Variants in TRRAP observed in about 807,000 individuals in gnomAD.
TRRAP encodes the protein transformation/transcription domain-associated protein.
TRRAP carries 41 observed loss-of-function variants against 438.8 expected under a neutral mutation model. The ratio of observed to expected loss-of-function variants is 0.09; its 90% CI spans 0.07 to 0.12. The LOEUF is 0.12. TRRAP is among the 10% of genes least tolerant of loss of function. TRRAP has a pLI of 1.00. For missense variants in TRRAP, 3,122 were observed against 5,055.1 expected (o/e 0.62, Z 11.60); for synonymous variants, 1,994 against 1,962.9 (o/e 1.02, Z -0.42).
intron 44 of TRRAP, among the ~76,000 whole-genome samples, chr7:98,959,091 G>A (rs556590630): frequency 2.0e-5 from 3 of 152,138 alleles, no homozygotes; most frequent in East Asian, 3.9e-4. Context: ...GTCCTGTGGG[G>A]AGCCAGCAGG....
At chr7:98,984,444 A>C in intron 61 of TRRAP, 86 bp downstream of exon 61, 2 of 1,454,368 alleles carry the variant, frequency 1.4e-6, no homozygotes, top group Non-Finnish European at 9.1e-7. Flanking sequence ...CCTGGTTCAG[A>C]ATATAAGGAA....
intron 1 of TRRAP, among the ~76,000 whole-genome samples, chr7:98,879,338 G>T (rs892922746): frequency 6.6e-6 from 1 of 152,372 alleles, no homozygotes; most frequent in Admixed American, 6.5e-5. Flanking sequence ...TCCGTGGGAA[G>T]GGGGAAGTTT....
chr7:98,959,957 AAAAG>A (rs995288415), intron 45 of TRRAP, among the ~76,000 whole-genome samples: 3 of 150,958 alleles, frequency 2.0e-5, no homozygotes, highest in Admixed American at 6.7e-5. Context: ...AAAAAAAAGA[AAAAG>A]AAAAGAAAAG....
intron 3 of TRRAP, among the ~76,000 whole-genome samples, chr7:98,884,770 C>CT (rs1486542861): frequency 6.6e-6 from 1 of 152,178 alleles, no homozygotes; most frequent in African/African-American, 2.4e-5. Context: ...ACCCAGCTTG[C>CT]TGAACCCCAG....
At chr7:98,911,926 A>C in intron 17 of TRRAP, 96 bp from the exon 18 acceptor site, 3 of 1,117,288 alleles carry the variant, frequency 2.7e-6, no homozygotes, top group Non-Finnish European at 3.9e-6. Flanking sequence ...TGTGTGATAC[A>C]GGCTTGGTTT....
At chr7:98,918,995 A>G (rs191054434) in intron 20 of TRRAP, among the ~76,000 whole-genome samples, 1 of 152,132 alleles carries the variant, frequency 6.6e-6, no homozygotes, top group Non-Finnish European at 1.5e-5. Context: ...AAAAAAAAAA[A>G]AAAAAGAAAA....
At chr7:98,918,702 G>A (rs2116452405) in intron 20 of TRRAP, among the ~76,000 whole-genome samples, 1 of 152,140 alleles carries the variant, frequency 6.6e-6, no homozygotes, top group African/African-American at 2.4e-5. Flanking sequence ...TACCCAAAGG[G>A]AAAAAGAAGC....
rs1487300407 is a variant in TRRAP, at chr7:99,005,647, C to T, written c.10753+299C>T. On this transcript the variant is annotated intron_variant, in intron 69 of 72. Coordinates refer to ENST00000456197, the MANE Select transcript of TRRAP (RefSeq NM_001375524.1). The surrounding 1 kb of genome is among the most constrained non-coding windows in gnomAD (Gnocchi z 5.1). Reference sequence around the variant, plus strand: ...CTTTGAATGTGGTTCGACACAAATTCGTCAACTTTCTTAGGACATTATGAG... The same window carrying T: ...CTTTGAATGTGGTTCGACACAAATTTGTCAACTTTCTTAGGACATTATGAG... Among the ~76,000 whole-genome samples, 1 of 152,122 alleles carries T rather than the reference C, an allele frequency of 6.6e-6. No homozygotes were observed. Among genetic ancestry groups the T allele is most frequent in the Non-Finnish European group, 1.5e-5 (1 of 68,014 alleles).
intron 68 of TRRAP, 91 bp downstream of exon 68, chr7:99,004,506 T>TC: frequency 8.9e-7 from 1 of 1,121,818 alleles, no homozygotes; most frequent in South Asian, 1.5e-5. Context: ...CTGTGGGGAA[T>TC]TTTGGACACA....
intron 31 of TRRAP, among the ~76,000 whole-genome samples, chr7:98,943,572 C>T (rs1790899484): frequency 6.6e-6 from 1 of 152,182 alleles, no homozygotes. Flanking sequence ...ATATGACTGG[C>T]CCTTCAAAGC....
chr7:99,009,031 T>C (rs528743352), intron 70 of TRRAP, among the ~76,000 whole-genome samples: 1 of 152,236 alleles, frequency 6.6e-6, no homozygotes, highest in African/African-American at 2.4e-5. Context: ...AGCGACAGAC[T>C]CTGGAGTGCA....
Position 98,948,533 on chromosome 7 carries a change from T to C in TRRAP, c.4669-33T>C, listed in dbSNP as rs782283037. ...AGCCTCAAGCTCTGAGAAGAGGAAG[T>C]TGTGAGATGCAGCATTCCCACATGT... is the stretch of plus-strand genomic sequence containing the variant. On this transcript the variant is annotated intron_variant, in intron 34 of 72. Transcript: ENST00000456197. This position sits in a 1 kb window ranked among gnomAD's most constrained non-coding sequence, Gnocchi z 4.9. 6.2e-6 allele frequency: 10 copies of C among 1,614,098 alleles called. No homozygotes were observed. Among genetic ancestry groups the C allele is most frequent in the Non-Finnish European group, 8.5e-6 (10 of 1,180,022 alleles).
chr7:98,942,907 AC>A (rs1158935083), intron 30 of TRRAP, 41 bp from the exon 31 acceptor site: 13 of 1,607,276 alleles, frequency 8.1e-6, no homozygotes, highest in Non-Finnish European at 1.1e-5. Context: ...AGTGGAATGC[AC>A]CTACTGTGAA....
Position 98,976,486 on chromosome 7 carries a change from C to G in TRRAP, c.7963C>G (p.Leu2655Val). 1 of 1,607,200 alleles carries G rather than the reference C, an allele frequency of 6.2e-7. No homozygotes were observed. Among genetic ancestry groups the G allele is most frequent in the South Asian group, 1.1e-5 (1 of 91,050 alleles). The change falls in exon 55 of 73, where the codon CTC becomes GTC. Residue 2655 changes from leucine to valine, a missense_variant. Physicochemically the swap from Leu to Val is conservative, Grantham distance 32. Around this residue, in one of 24 missense-constraint regions of TRRAP, gnomAD observed 992 missense variants for 1,281.2 expected, o/e 0.77. Coordinates refer to ENST00000456197, the MANE Select transcript of TRRAP (RefSeq NM_001375524.1). The surrounding 1 kb of genome is among the most constrained non-coding windows in gnomAD (Gnocchi z 4.6). ...ATGACATGTGCTTTGGTTTCAGGCA[C>G]TCGCGGGTGAGATAAGTCCATTTCT... Reference protein sequence around the residue: ...KILSDRQQHALAGEISPFLCS... With the variant: ...KILSDRQQHAVAGEISPFLCS...
chr7:98,892,398 T>TA (rs1416743818), intron 4 of TRRAP, 26 bp from the exon 5 acceptor site: 2 of 1,566,498 alleles, frequency 1.3e-6, no homozygotes, highest in Admixed American at 1.7e-5. Flanking sequence ...TTTTTATCCT[T>TA]ACATTTATTT....
intron 8 of TRRAP, among the ~76,000 whole-genome samples, chr7:98,899,212 TG>T (rs1187056838): frequency 6.6e-6 from 1 of 152,156 alleles, no homozygotes; most frequent in East Asian, 1.9e-4. Context: ...ACCTTCATAT[TG>T]AATTGTATTA....
chr7:99,001,051 T>C (rs1405007913), intron 67 of TRRAP, among the ~76,000 whole-genome samples: 2 of 152,262 alleles, frequency 1.3e-5, no homozygotes, highest in Non-Finnish European at 2.9e-5. Context: ...GTGTCCTAGA[T>C]GACACAGTTA....
intron 13 of TRRAP, among the ~76,000 whole-genome samples, chr7:98,907,846 C>G (rs1332479760): frequency 1.3e-5 from 2 of 151,422 alleles, no homozygotes; most frequent in African/African-American, 4.9e-5. Context: ...CCTCCCTGAC[C>G]TGCTTCAGCC....
At chr7:98,950,785 T>C in intron 38 of TRRAP, 91 bp from the exon 39 acceptor site, 1 of 1,406,432 alleles carries the variant, frequency 7.1e-7, no homozygotes, top group Non-Finnish European at 9.3e-7. Context: ...CTTGATGGTG[T>C]GCTAAGGCCA....
Sources: gnomAD v4.1 joint callset for allele counts (sites outside exome capture counted in the v4.1 genomes callset) on GRCh38, gnomAD v4.1.1 for gene constraint, gnomAD v4.1.1 regional missense constraint, Gnocchi (gnomAD v3.1) non-coding constraint, MANE v1.5 for transcripts, NCBI Gene and HGNC (gene_info 2026-07-23, HGNC 2026-07-21) for gene names.